DYNC2H1: variants seen among roughly 807,000 people sequenced by gnomAD.
The protein encoded by DYNC2H1 is dynein cytoplasmic 2 heavy chain 1.
DYNC2H1 carries 410 observed loss-of-function variants against 570.0 expected under a neutral mutation model. The observed-to-expected ratio is 0.72, with a 90% CI of 0.66 to 0.78. The LOEUF is 0.78. DYNC2H1 is among the 30% of genes least tolerant of loss of function. The probability of loss-of-function intolerance (pLI) is 0.00; values close to 1 mark genes in which losing one functional copy is unlikely to be tolerated. For synonymous variants in DYNC2H1, 1,688 were observed against 1,677.6 expected, an observed-to-expected ratio of 1.01 and a Z score of -0.15; for missense variants, 4,865 against 5,046.4, an observed-to-expected ratio of 0.96 and a Z score of 1.09.
At chr11:103,212,999 C>CT (rs1191136316) in intron 54 of DYNC2H1, among the ~76,000 whole-genome samples, 2 of 152,148 alleles carry the variant, frequency 1.3e-5, no homozygotes, top group South Asian at 2.1e-4. Context: ...AATTACATTC[C>CT]TTTTTTGCCA....
At chr11:103,152,107 C>G in intron 20 of DYNC2H1, 29 bp from the exon 21 acceptor site, 3 of 1,249,952 alleles carry the variant, frequency 2.4e-6, no homozygotes, top group Non-Finnish European at 3.2e-6. Context: ...GGTTGTTATT[C>G]AATTTGTTTT....
rs541079275 is a variant in DYNC2H1, at chr11:103,261,911, G to A, written c.10695+1934G>A. Among the ~76,000 whole-genome samples the A allele has an allele frequency of 6.6e-6, 1 of 152,252 alleles. No individual in the cohort carries two copies. The highest frequency in any genetic ancestry group is 1.9e-4 in the East Asian group (1 of 5,168). The stretch of plus-strand genomic sequence containing the variant: ...TAATAACAGACTCCTCCAAGCTAAA[G>A]GAGCATGTTCCAACCCAATGCAAGG... On this transcript the variant is annotated intron_variant, in intron 70 of 88. Transcript: ENST00000375735. The surrounding 1 kb of genome is among the most constrained non-coding windows in gnomAD (Gnocchi z 4.8).
chr11:103,473,900 G>A (rs536226377), intron 88 of DYNC2H1, among the ~76,000 whole-genome samples: 32 of 152,182 alleles, frequency 2.1e-4, no homozygotes, highest in African/African-American at 7.0e-4. Context: ...TTTATTCTCA[G>A]AGAAAATAGA....
rs949692251 is a variant in DYNC2H1 at position 103,147,786 on chromosome 11, A to G, written c.2717A>G (p.Asp906Gly). Reference protein sequence around the residue: ...VERLPSAVKVDCLNINCNPVK... With the variant: ...VERLPSAVKVGCLNINCNPVK... Reference sequence around the variant, plus strand: ...ACATTTTTCAGTGCTGTCAAGGTAGATTGTTTAAATATTAATTGCAACCCT... The same window carrying G: ...ACATTTTTCAGTGCTGTCAAGGTAGGTTGTTTAAATATTAATTGCAACCCT... The change falls in exon 19 of 89, where the codon GAT becomes GGT. Residue 906 changes from aspartate to glycine, a missense_variant. Around this residue, in one of 5 missense-constraint regions of DYNC2H1, gnomAD observed 1,936 missense variants for 1,962.1 expected, o/e 0.99. Coordinates refer to ENST00000375735, the MANE Select transcript of DYNC2H1 (RefSeq NM_001377.3). 6.2e-7 allele frequency: 1 copy of G among 1,606,500 alleles called. No individual in the cohort carries two copies. Among genetic ancestry groups the G allele is most frequent in the Non-Finnish European group, 8.5e-7 (1 of 1,176,754 alleles).
chr11:103,200,609 G>T (rs1404021355), intron 50 of DYNC2H1, among the ~76,000 whole-genome samples: 1 of 152,102 alleles, frequency 6.6e-6, no homozygotes, highest in Non-Finnish European at 1.5e-5. Context: ...ATCAGTAGTG[G>T]CATGGTTGTA....
In DYNC2H1 at chr11:103,134,551, T is replaced by A. The variant is rs574947055; in HGVS notation, c.2205+132T>A. The A allele has an allele frequency of 8.1e-5, 41 of 503,218 alleles. 1 individual carries two copies. The South Asian group carries it at 2.7e-3, about 33-fold the overall frequency. 31.2% of individuals were successfully genotyped at this position (503,218 alleles called of 1,614,324 possible). On this transcript the variant is annotated intron_variant, in intron 15 of 88. Transcript: ENST00000375735. ...TACTAATAAATACCTAATATATTTA[T>A]AATTTTTGACTGAATTATATATAAA...
intron 12 of DYNC2H1, among the ~76,000 whole-genome samples, chr11:103,127,146 A>G (rs1859044071): frequency 6.6e-6 from 1 of 152,184 alleles, no homozygotes; most frequent in Non-Finnish European, 1.5e-5. Flanking sequence ...GTTTTTCTCA[A>G]GTACACAGAG....
intron 12 of DYNC2H1, among the ~76,000 whole-genome samples, chr11:103,125,939 A>G (rs1858973492): frequency 6.6e-6 from 1 of 152,114 alleles, no homozygotes; most frequent in Non-Finnish European, 1.5e-5. Flanking sequence ...TGATTGTTTA[A>G]TTTCCAATTC....
At chr11:103,307,144 A>T (rs1474472028) in intron 77 of DYNC2H1, among the ~76,000 whole-genome samples, 1 of 152,196 alleles carries the variant, frequency 6.6e-6, no homozygotes, top group African/African-American at 2.4e-5. Flanking sequence ...AAGAGTCTGG[A>T]TAAATGACTA....
chr11:103,151,914 T>A lies in DYNC2H1; in HGVS notation c.2947-222T>A, dbSNP rs535329645. Among the ~76,000 whole-genome samples the A allele has an allele frequency of 3.9e-5, 6 of 152,246 alleles. No homozygotes were observed. The highest frequency in any genetic ancestry group is 6.5e-5 in the Admixed American group (1 of 15,284). On this transcript the variant is annotated intron_variant, in intron 20 of 88. Coordinates refer to ENST00000375735, the MANE Select transcript of DYNC2H1 (RefSeq NM_001377.3). This position sits in a 1 kb window ranked among gnomAD's most constrained non-coding sequence, Gnocchi z 4.6. ...TTTTAACCTCTGATGTTAGAGTGCC[T>A]TAGTTGAATTTGTGTATAGTAAAAA...
Position 103,170,455 on chromosome 11 carries a change from T to C in DYNC2H1, c.5151+165T>C, listed in dbSNP as rs75986434. On this transcript the variant is annotated intron_variant, in intron 33 of 88. Coordinates refer to ENST00000375735, the MANE Select transcript of DYNC2H1 (RefSeq NM_001377.3). This position sits in a 1 kb window ranked among gnomAD's most constrained non-coding sequence, Gnocchi z 4.8. Reference sequence around the variant, plus strand: ...AAATGGACAGAGGTTGTACGTAGTATAGTCCAAAACTTTTCTAAGAATTAT... The same window carrying C: ...AAATGGACAGAGGTTGTACGTAGTACAGTCCAAAACTTTTCTAAGAATTAT... Among the ~76,000 whole-genome samples the C allele has an allele frequency of 0.02, 3,012 of 152,328 alleles. 95 individuals are homozygous for C. Among genetic ancestry groups the C allele is most frequent in the African/African-American group, 0.068 (2,831 of 41,574 alleles).
In DYNC2H1 at chr11:103,184,923, G is replaced by C. The variant is rs754176682; in HGVS notation, c.6505G>C (p.Val2169Leu). ...QNDYVVETSL[V>L]GTVMNGLSHL... ...TGACTATGTGGTAGAAACAAGTTTG[G>C]TTGGGACTGTGATGAATGGTTTGTC... Residue 2169 changes from valine to leucine, a missense_variant, in exon 41 of 89, where the codon GTT becomes CTT. Val to Leu is a conservative substitution (Grantham distance 32, BLOSUM62 1). Transcript: ENST00000375735. The C allele has an allele frequency of 6.2e-7, 1 of 1,610,706 alleles. No individual in the cohort carries two copies. The highest frequency in any genetic ancestry group is 8.5e-7 in the Non-Finnish European group (1 of 1,177,806).
rs190714860 is a variant in DYNC2H1, at chr11:103,229,207, G to A, written c.9354-2053G>A. 1.6e-3 allele frequency among the ~76,000 whole-genome samples: 237 copies of A among 152,282 alleles called. 1 individual carries two copies. Among genetic ancestry groups the A allele is most frequent in the Middle Eastern group, 3.4e-3 (1 of 294 alleles). Reference sequence around the variant, plus strand: ...GGACTTAAGTTTTTTGGTATCTCAGGGAGCCTGCAGTGGTGACCCAGTTCC... The same window carrying A: ...GGACTTAAGTTTTTTGGTATCTCAGAGAGCCTGCAGTGGTGACCCAGTTCC... On this transcript the variant is annotated intron_variant, in intron 59 of 88. Coordinates refer to ENST00000375735, the MANE Select transcript of DYNC2H1 (RefSeq NM_001377.3).
At chr11:103,414,431 C>A (rs1943204245) in intron 84 of DYNC2H1, among the ~76,000 whole-genome samples, 1 of 152,068 alleles carries the variant, frequency 6.6e-6, no homozygotes, top group Non-Finnish European at 1.5e-5. Context: ...CCAGCCTGAC[C>A]AACATGGTGA....
At chr11:103,410,655 G>C (rs754568854) in intron 84 of DYNC2H1, among the ~76,000 whole-genome samples, 1 of 152,086 alleles carries the variant, frequency 6.6e-6, no homozygotes, top group Non-Finnish European at 1.5e-5. Flanking sequence ...GATCTTAGCT[G>C]TCGTGTCTTC....
chr11:103,231,509 A>C (rs1864009701), intron 60 of DYNC2H1, among the ~76,000 whole-genome samples, 163 bp downstream of exon 60: 1 of 152,096 alleles, frequency 6.6e-6, no homozygotes, highest in Non-Finnish European at 1.5e-5. Flanking sequence ...TATTATGTTT[A>C]AAAATTCTAT....
intron 80 of DYNC2H1, among the ~76,000 whole-genome samples, chr11:103,320,402 AAAAAAAC>A (rs931545036): frequency 4.6e-5 from 7 of 152,184 alleles, no homozygotes; most frequent in African/African-American, 1.7e-4. Context: ...ACACCGTCTC[AAAAAAAC>A]AAAAAACAAA....
At chr11:103,312,494 A>G (rs891254802) in intron 79 of DYNC2H1, among the ~76,000 whole-genome samples, 8 of 145,250 alleles carry the variant, frequency 5.5e-5, no homozygotes, top group Non-Finnish European at 1.0e-4. Context: ...GTGAGCCGAG[A>G]TCACGCCATT....
chr11:103,391,184 C>G (rs1394276960), intron 83 of DYNC2H1, among the ~76,000 whole-genome samples: 1 of 152,160 alleles, frequency 6.6e-6, no homozygotes, highest in Non-Finnish European at 1.5e-5. Flanking sequence ...TTCTTGGAGG[C>G]TTTGTTCATT....
Sources: allele counts gnomAD v4.1 joint callset (sites outside exome capture counted in the v4.1 genomes callset), GRCh38; gene constraint gnomAD v4.1.1; regional missense constraint gnomAD v4.1.1; non-coding constraint Gnocchi (gnomAD v3.1); transcripts MANE v1.5; gene names NCBI Gene and HGNC (gene_info 2026-07-23, HGNC 2026-07-21).